The following PALS2 variants were observed in gnomAD, a reference collection of about 807,000 sequenced individuals.
PALS2 encodes protein associated with LIN7 2, MAGUK p55 family member.
PALS2 carries 27 observed loss-of-function variants against 61.6 expected under a neutral mutation model. That is an observed-to-expected ratio of 0.44 (90% CI 0.32 to 0.60). PALS2 has a LOEUF of 0.60. PALS2 is among the 20% of genes least tolerant of loss of function. The pLI is 0.05. For missense variants in PALS2, 554 were observed against 639.4 expected, an observed-to-expected ratio of 0.87 and a Z score of 1.44; for synonymous variants, 236 against 218.6, an observed-to-expected ratio of 1.08 and a Z score of -0.70.
At chr7:24,600,967 G>C (rs1030530087) in intron 1 of PALS2, among the ~76,000 whole-genome samples, 8 of 151,818 alleles carry the variant, frequency 5.3e-5, no homozygotes, top group African/African-American at 1.9e-4. Flanking sequence ...AACTATTAAT[G>C]CACATATGGA....
At chr7:24,611,352 A>G (rs1246665099) in intron 1 of PALS2, among the ~76,000 whole-genome samples, 1 of 152,090 alleles carries the variant, frequency 6.6e-6, no homozygotes, top group African/African-American at 2.4e-5. Flanking sequence ...TAGCTTTAAG[A>G]GTACTACTCT....
rs550684473 is a variant in PALS2, at chr7:24,618,540, A to G, written c.-2-5126A>G. Reference sequence around the variant, plus strand: ...GATCTTGTGCTCCCAGTCTGGGGGAATACAGCTGTGTGAATTCACAGCAGC... The same window carrying G: ...GATCTTGTGCTCCCAGTCTGGGGGAGTACAGCTGTGTGAATTCACAGCAGC... On this transcript the variant is annotated intron_variant, in intron 1 of 11. Transcript: ENST00000222644. This position sits in a 1 kb window ranked among gnomAD's most constrained non-coding sequence, Gnocchi z 5.1. Among the ~76,000 whole-genome samples the G allele has an allele frequency of 1.7e-3, 264 of 152,350 alleles. 1 individual carries two copies. The highest frequency in any genetic ancestry group is 3.4e-3 in the Middle Eastern group (1 of 294).
chr7:24,688,682 A>C lies in PALS2; in HGVS notation c.*1068A>C, dbSNP rs530395627. The C allele has an allele frequency of 1.3e-5, 2 of 151,664 alleles. No individual in the cohort carries two copies. Among genetic ancestry groups the C allele is most frequent in the South Asian group, 4.1e-4 (2 of 4,824 alleles). The allele number at this position is 151,664 out of a possible 1,614,324, so 9.4% of individuals were successfully genotyped here. On this transcript the variant is annotated 3_prime_UTR_variant, in exon 12 of 12. Coordinates refer to ENST00000222644, the MANE Select transcript of PALS2 (RefSeq NM_001303037.2). Reference sequence around the variant, plus strand: ...CATTGAACAACTTAAAAAATTGGGAAATAATTGTCAGCTATTTTGTATACA... The same window carrying C: ...CATTGAACAACTTAAAAAATTGGGACATAATTGTCAGCTATTTTGTATACA...
chr7:24,664,718 A>G (rs888710234), intron 6 of PALS2, among the ~76,000 whole-genome samples: 3 of 152,156 alleles, frequency 2.0e-5, no homozygotes, highest in Middle Eastern at 3.2e-3. Flanking sequence ...AACAGAATCC[A>G]TGATTTCAAG....
At chr7:24,646,227 T>C (rs1422058751) in intron 3 of PALS2, among the ~76,000 whole-genome samples, 1 of 152,228 alleles carries the variant, frequency 6.6e-6, no homozygotes, top group Non-Finnish European at 1.5e-5. Context: ...CCTTGTCTTG[T>C]GCTGGTTTTC....
chr7:24,625,440 T>G (rs1400698949), intron 2 of PALS2, among the ~76,000 whole-genome samples: 2 of 152,212 alleles, frequency 1.3e-5, no homozygotes, highest in Admixed American at 1.3e-4. Context: ...AATATACTGT[T>G]TTATCTTTCA....
chr7:24,643,871 G>A (rs1380091157), intron 3 of PALS2, among the ~76,000 whole-genome samples: 2 of 152,132 alleles, frequency 1.3e-5, no homozygotes, highest in Non-Finnish European at 2.9e-5. Flanking sequence ...GATGCAACAT[G>A]AATTAAACTG....
At chr7:24,646,879 G>C (rs542359065) in intron 3 of PALS2, among the ~76,000 whole-genome samples, 13 of 152,006 alleles carry the variant, frequency 8.6e-5, no homozygotes, top group Non-Finnish European at 1.8e-4. Flanking sequence ...CTCAGTCTTC[G>C]GAGGTTGTAT....
intron 1 of PALS2, among the ~76,000 whole-genome samples, chr7:24,604,537 C>T (rs1353840965): frequency 6.6e-6 from 1 of 151,982 alleles, no homozygotes; most frequent in Non-Finnish European, 1.5e-5. Context: ...GAGTTTCAGA[C>T]AGAAAGGAAA....
intron 9 of PALS2, among the ~76,000 whole-genome samples, chr7:24,676,295 G>A (rs1756115285): frequency 6.6e-6 from 1 of 151,494 alleles, no homozygotes; most frequent in Non-Finnish European, 1.5e-5. Flanking sequence ...AGATGAGTAG[G>A]TTGGGAAAAT....
chr7:24,595,927 T>A (rs972533243), intron 1 of PALS2, among the ~76,000 whole-genome samples: 2 of 151,740 alleles, frequency 1.3e-5, no homozygotes, highest in South Asian at 4.2e-4. Context: ...AGATGGGAGA[T>A]GAACTGGTCT....
intron 5 of PALS2, among the ~76,000 whole-genome samples, chr7:24,661,321 TTTAA>T (rs1786708130): frequency 6.6e-6 from 1 of 151,398 alleles, no homozygotes; most frequent in Non-Finnish European, 1.5e-5. Context: ...CTAAAACTAC[TTTAA>T]TTAATGAAAA....
chr7:24,641,069 A>G (rs966470984), intron 2 of PALS2, among the ~76,000 whole-genome samples: 49 of 150,190 alleles, frequency 3.3e-4, no homozygotes, highest in South Asian at 1.1e-3. Context: ...TTGACGGTCT[A>G]TTTTCTGTGG....
intron 3 of PALS2, among the ~76,000 whole-genome samples, chr7:24,645,980 A>G (rs1020382525): frequency 2.0e-5 from 3 of 151,916 alleles, no homozygotes; most frequent in Non-Finnish European, 2.9e-5. Context: ...ATCCTGCAAA[A>G]TTTGTATCAT....
intron 2 of PALS2, among the ~76,000 whole-genome samples, chr7:24,624,605 C>CTTTTTTTTTTT (rs368160704): frequency 3.4e-4 from 29 of 86,334 alleles, no homozygotes; most frequent in African/African-American, 6.5e-4. Context: ...GCAGATTCTT[C>CTTTTTTTTTTT]TTTTTTTTTT....
intron 2 of PALS2, among the ~76,000 whole-genome samples, chr7:24,626,746 C>T (rs990403402): frequency 6.6e-6 from 1 of 152,038 alleles, no homozygotes; most frequent in Non-Finnish European, 1.5e-5. Context: ...ATAAAACAGA[C>T]GTTAAACCAA....
intron 2 of PALS2, among the ~76,000 whole-genome samples, chr7:24,627,934 G>C (rs766259220): frequency 5.9e-5 from 9 of 152,144 alleles, no homozygotes; most frequent in Admixed American, 2.0e-4. Flanking sequence ...GATTCTACCA[G>C]AGATACAAAC....
chr7:24,666,038 A>G lies in PALS2; in HGVS notation c.901A>G (p.Ile301Val), dbSNP rs1216632346. 3 of 1,611,114 alleles carry G rather than the reference A, an allele frequency of 1.9e-6. No homozygotes were observed. Among genetic ancestry groups the G allele is most frequent in the South Asian group, 1.1e-5 (1 of 90,922 alleles). Residue 301 changes from isoleucine (I) to valine (V), a missense_variant, in exon 8 of 12, where the codon ATA (isoleucine) becomes GTA (valine). Ile to Val is a conservative substitution (Grantham distance 29, BLOSUM62 3). Transcript: ENST00000222644. ...WDNSGPFCGT[I>V]SSKKKKKMMY... ...TCCTTCAGGACCTTTTTGTGGAACT[A>G]TAAGTAGCAAAAAAAAGAAAAAGAT... is the stretch of plus-strand genomic sequence containing the variant.
At chr7:24,650,443 T>C (rs757350537) in intron 4 of PALS2, 42 bp from the exon 5 acceptor site, 1 of 1,436,300 alleles carries the variant, frequency 7.0e-7, no homozygotes, top group Non-Finnish European at 9.5e-7. Context: ...TAAGCATTTC[T>C]CCCTAATAAT....
Sources: gnomAD v4.1 joint callset for allele counts (sites outside exome capture counted in the v4.1 genomes callset) on GRCh38, gnomAD v4.1.1 for gene constraint, Gnocchi (gnomAD v3.1) non-coding constraint, MANE v1.5 for transcripts, NCBI Gene and HGNC (gene_info 2026-07-23, HGNC 2026-07-21) for gene names.